Variants in WWC2 observed in about 807,000 individuals in gnomAD.
WWC2 encodes protein WWC2.
WWC2 carries 101 observed loss-of-function variants against 138.5 expected under a neutral mutation model. The ratio of observed to expected loss-of-function variants is 0.73; its 90% CI spans 0.62 to 0.86. The LOEUF is 0.86. Ranked by LOEUF, WWC2 falls within the 40% of genes least tolerant of loss-of-function variation. WWC2 has a pLI of 0.00. For synonymous variants in WWC2, 558 were observed against 538.4 expected (o/e 1.04, Z -0.50); for missense variants, 1,420 against 1,419.4 (o/e 1.00, Z -0.01).
intron 10 of WWC2, 92 bp downstream of exon 10, chr4:183,259,820 T>A (rs1241316382): frequency 3.2e-6 from 3 of 923,320 alleles, no homozygotes; most frequent in Non-Finnish European, 3.3e-6. Flanking sequence ...TTCCAACTAC[T>A]TTAAATAAAA....
chr4:183,138,877 T>C (rs1733205277), intron 1 of WWC2, among the ~76,000 whole-genome samples: 1 of 152,220 alleles, frequency 6.6e-6, no homozygotes, highest in African/African-American at 2.4e-5. Context: ...AATACGTATG[T>C]ATTTTTATAA....
intron 6 of WWC2, among the ~76,000 whole-genome samples, chr4:183,247,790 A>ATATATAG (rs910304100): frequency 2.2e-5 from 3 of 138,052 alleles, no homozygotes; most frequent in Non-Finnish European, 3.1e-5. Flanking sequence ...TATATATTAT[A>ATATATAG]TATATAGTAT....
rs769186176 is a variant in WWC2, at chr4:183,207,965, T to A, written c.254T>A (p.Ile85Lys). The A allele has an allele frequency of 1.2e-6, 2 of 1,609,740 alleles. No homozygotes were observed. The highest frequency in any genetic ancestry group is 1.7e-5 in the Admixed American group (1 of 59,380). Reference protein sequence around the residue: ...YIDHINKTTQIEDPRKQWRGE... With the variant: ...YIDHINKTTQKEDPRKQWRGE... ...CTAATGTTTTCAGAAACCACGCAGA[T>A]AGAAGATCCAAGAAAACAATGGAGG... Residue 85 changes from isoleucine to lysine, a missense_variant, in exon 3 of 23, where the codon ATA becomes AAA. Coordinates refer to ENST00000403733, the MANE Select transcript of WWC2 (RefSeq NM_024949.6).
At position 183,102,077 on chromosome 4, in the gene WWC2, T is replaced by C. The variant is rs374839829; in HGVS notation, c.131+2455T>C. Among the ~76,000 whole-genome samples, 113 of 152,338 alleles carry C rather than the reference T, an allele frequency of 7.4e-4. 1 individual carries two copies. The highest frequency in any genetic ancestry group is 2.6e-3 in the African/African-American group (109 of 41,578). On this transcript the variant is annotated intron_variant, in intron 1 of 22. Coordinates refer to ENST00000403733, the MANE Select transcript of WWC2 (RefSeq NM_024949.6). Reference sequence around the variant, plus strand: ...AGAATGCTGAAGCATTATTCTAAAATGCTTTTAAGCTTTTGGAGGTGAATG... The same window carrying C: ...AGAATGCTGAAGCATTATTCTAAAACGCTTTTAAGCTTTTGGAGGTGAATG...
At chr4:183,133,344 G>C (rs892270267) in intron 1 of WWC2, among the ~76,000 whole-genome samples, 2 of 151,492 alleles carry the variant, frequency 1.3e-5, no homozygotes, top group Admixed American at 1.3e-4. Flanking sequence ...AATGACTGAT[G>C]ATAATTATAG....
chr4:183,258,857 C>G (rs543004984), intron 9 of WWC2, among the ~76,000 whole-genome samples: 2 of 152,300 alleles, frequency 1.3e-5, no homozygotes, highest in East Asian at 3.9e-4. Context: ...AAGACCTTCA[C>G]ACGACATAGA....
At chr4:183,108,404 G>A (rs1191506167) in intron 1 of WWC2, among the ~76,000 whole-genome samples, 1 of 151,942 alleles carries the variant, frequency 6.6e-6, no homozygotes, top group African/African-American at 2.4e-5. Flanking sequence ...CAGTAGAGGG[G>A]TATCCTATAA....
chr4:183,294,760 G>T (rs1738577288), intron 21 of WWC2, among the ~76,000 whole-genome samples: 1 of 150,948 alleles, frequency 6.6e-6, no homozygotes, highest in Non-Finnish European at 1.5e-5. Context: ...TTTCCTGAGT[G>T]TTTTTTTTTT....
At chr4:183,312,606 T>C in intron 22 of WWC2, 138 bp downstream of exon 22, 9 of 1,307,960 alleles carry the variant, frequency 6.9e-6, no homozygotes, top group Non-Finnish European at 9.2e-6. Context: ...ATATATAATT[T>C]TCCATTTGCA....
At chr4:183,235,575 A>G (rs1429727489) in intron 4 of WWC2, among the ~76,000 whole-genome samples, 1 of 152,206 alleles carries the variant, frequency 6.6e-6, no homozygotes, top group Admixed American at 6.5e-5. Context: ...TATAAGTGGA[A>G]TCATACAGTA....
At chr4:183,115,072 C>G (rs1350772684) in intron 1 of WWC2, among the ~76,000 whole-genome samples, 1 of 152,178 alleles carries the variant, frequency 6.6e-6, no homozygotes, top group Non-Finnish European at 1.5e-5. Flanking sequence ...TCCCTTTTAG[C>G]TTCCATGTGT....
chr4:183,284,994 T>G (rs1738198716), intron 19 of WWC2, among the ~76,000 whole-genome samples: 1 of 152,216 alleles, frequency 6.6e-6, no homozygotes, highest in Admixed American at 6.5e-5. Context: ...ATTCATTCAG[T>G]TCAACACATT....
At chr4:183,270,048 G>A (rs960472156) in intron 15 of WWC2, 12 of 152,104 alleles carry the variant, frequency 7.9e-5, no homozygotes, top group African/African-American at 2.9e-4. Context: ...TTTAAGAGGG[G>A]TAGGTTTCTT....
chr4:183,211,832 T>A (rs1735606845), intron 4 of WWC2, among the ~76,000 whole-genome samples: 1 of 152,112 alleles, frequency 6.6e-6, no homozygotes, highest in Non-Finnish European at 1.5e-5. Flanking sequence ...TTTGGATTTT[T>A]TTTTTTTTTG....
chr4:183,212,419 C>G (rs1735624259), intron 4 of WWC2, among the ~76,000 whole-genome samples: 2 of 152,098 alleles, frequency 1.3e-5, no homozygotes, highest in African/African-American at 4.8e-5. Flanking sequence ...GGTACTGTAT[C>G]TCTGTACCGT....
intron 21 of WWC2, among the ~76,000 whole-genome samples, chr4:183,293,806 AT>A (rs1176592666): frequency 6.6e-6 from 1 of 152,176 alleles, no homozygotes; most frequent in Non-Finnish European, 1.5e-5. Flanking sequence ...TAGACGTTTA[AT>A]TAAGATAATT....
chr4:183,108,596 G>T (rs1732122012), intron 1 of WWC2, among the ~76,000 whole-genome samples: 1 of 151,934 alleles, frequency 6.6e-6, no homozygotes, highest in East Asian at 1.9e-4. Context: ...TCTGAATAAG[G>T]TATGGATTGT....
chr4:183,136,334 C>T (rs1034792232), intron 1 of WWC2, among the ~76,000 whole-genome samples: 12 of 152,160 alleles, frequency 7.9e-5, no homozygotes, highest in South Asian at 4.2e-4. Context: ...ACTTCAGTTG[C>T]GACTTTCACT....
At chr4:183,248,317 T>A (rs1379450165) in intron 6 of WWC2, among the ~76,000 whole-genome samples, 2 of 152,254 alleles carry the variant, frequency 1.3e-5, no homozygotes. Flanking sequence ...GTTCTTTTAC[T>A]GTATCTAAAA....
Sources: allele counts gnomAD v4.1 joint callset (sites outside exome capture counted in the v4.1 genomes callset), GRCh38; gene constraint gnomAD v4.1.1; transcripts MANE v1.5; gene names NCBI Gene and HGNC (gene_info 2026-07-23, HGNC 2026-07-21).